The following GPC5 variants were observed in gnomAD, a reference collection of about 807,000 sequenced individuals.
The protein encoded by GPC5 is glypican 5.
Under a neutral mutation model 53.9 loss-of-function variants are expected in GPC5, and 47 were observed. The observed-to-expected ratio is 0.87, with a 90% confidence interval of 0.69 to 1.11. GPC5 has a LOEUF of 1.11. GPC5 is among the 50% of genes most tolerant of loss of function. GPC5 has a pLI of 0.00. For missense variants in GPC5, 748 were observed against 713.1 expected, an observed-to-expected ratio of 1.05 and a Z score of -0.56; for synonymous variants, 286 against 263.3, an observed-to-expected ratio of 1.09 and a Z score of -0.84.
intron 7 of GPC5, among the ~76,000 whole-genome samples, chr13:92,164,605 T>A (rs1053702423): frequency 4.6e-5 from 7 of 152,166 alleles, no homozygotes; most frequent in Middle Eastern, 3.2e-3. Flanking sequence ...TGGTGTTGAG[T>A]GTCTGTGGCT....
chr13:91,898,490 T>G (rs1160011142), intron 5 of GPC5, among the ~76,000 whole-genome samples: 8 of 152,188 alleles, frequency 5.3e-5, no homozygotes, highest in Non-Finnish European at 1.2e-4. Flanking sequence ...CATTTTGCCC[T>G]TGTTTTATAG....
intron 5 of GPC5, among the ~76,000 whole-genome samples, chr13:91,844,851 G>C (rs2038830501): frequency 6.6e-6 from 1 of 151,980 alleles, no homozygotes; most frequent in South Asian, 2.1e-4. Context: ...TCTGCCTCCT[G>C]AGTAGCTGGG....
chr13:91,848,392 G>C (rs1425763997), intron 5 of GPC5, among the ~76,000 whole-genome samples: 1 of 152,178 alleles, frequency 6.6e-6, no homozygotes, highest in Non-Finnish European at 1.5e-5. Flanking sequence ...ATGTAAGTCG[G>C]CTTAATCCTG....
intron 2 of GPC5, among the ~76,000 whole-genome samples, chr13:91,675,924 G>A (rs888218487): frequency 1.3e-5 from 2 of 152,054 alleles, no homozygotes; most frequent in Non-Finnish European, 2.9e-5. Context: ...AGGGTGGTTC[G>A]ACTTTTAGAA....
At chr13:91,943,677 C>G (rs2039948543) in intron 6 of GPC5, among the ~76,000 whole-genome samples, 1 of 152,120 alleles carries the variant, frequency 6.6e-6, no homozygotes, top group South Asian at 2.1e-4. Flanking sequence ...AAGTTTTCCT[C>G]TCTTAGGAGT....
chr13:91,988,677 A>C (rs2040430372), intron 6 of GPC5, among the ~76,000 whole-genome samples: 1 of 152,174 alleles, frequency 6.6e-6, no homozygotes, highest in Non-Finnish European at 1.5e-5. Flanking sequence ...CTATCATGGA[A>C]ATTTAAGATT....
chr13:91,794,289 T>TA (rs1390490462), intron 5 of GPC5, among the ~76,000 whole-genome samples: 2 of 152,198 alleles, frequency 1.3e-5, no homozygotes, highest in African/African-American at 4.8e-5. Flanking sequence ...TTAGAAATTA[T>TA]AAGCCCCTGA....
intron 7 of GPC5, among the ~76,000 whole-genome samples, chr13:92,438,379 AATAAAT>A (rs58295608): frequency 0.022 from 2,123 of 98,456 alleles, 47 homozygotes; most frequent in African/African-American, 0.064. Context: ...TTTAAAGCAA[AATAAAT>A]ATATATATAT....
At chr13:92,636,614 C>T (rs1360576899) in intron 7 of GPC5, among the ~76,000 whole-genome samples, 1 of 141,104 alleles carries the variant, frequency 7.1e-6, no homozygotes, top group Non-Finnish European at 1.6e-5. Flanking sequence ...GTACTGGGGG[C>T]TTTATTTATT....
intron 7 of GPC5, among the ~76,000 whole-genome samples, chr13:92,602,162 A>AT: frequency 6.9e-6 from 1 of 145,472 alleles, no homozygotes; most frequent in South Asian, 2.1e-4. Flanking sequence ...TACACACTAT[A>AT]TACAAATACA....
At chr13:92,174,489 C>G (rs565948481) in intron 7 of GPC5, among the ~76,000 whole-genome samples, 1 of 150,726 alleles carries the variant, frequency 6.6e-6, no homozygotes, top group African/African-American at 2.4e-5. Context: ...GCGCAGAGAT[C>G]GCACCACTGC....
Position 91,649,651 on chromosome 13 carries a change from T to C in GPC5, c.326-43536T>C. Among the ~76,000 whole-genome samples, 2 of 152,200 alleles carry C rather than the reference T, an allele frequency of 1.3e-5. 1 individual carries two copies. Among genetic ancestry groups the C allele is most frequent in the Non-Finnish European group, 2.9e-5 (2 of 68,036 alleles). On this transcript the variant is annotated intron_variant, in intron 2 of 7. Coordinates refer to ENST00000377067, the MANE Select transcript of GPC5 (RefSeq NM_004466.6). ...TTGTTCCGTCCACAGCATGTTACGA[T>C]GCAGAGAATGTCTATATTGATCAGC...
intron 2 of GPC5, among the ~76,000 whole-genome samples, chr13:91,525,355 C>T (rs1886037141): frequency 6.6e-6 from 1 of 152,090 alleles, no homozygotes; most frequent in Non-Finnish European, 1.5e-5. Flanking sequence ...CTATTTGGTA[C>T]TGAATATTGA....
At chr13:92,666,212 T>C (rs563916917) in intron 7 of GPC5, among the ~76,000 whole-genome samples, 8 of 152,330 alleles carry the variant, frequency 5.3e-5, no homozygotes, top group East Asian at 1.9e-4. Context: ...ATATTGAATA[T>C]ATTAACAATG....
intron 5 of GPC5, among the ~76,000 whole-genome samples, chr13:91,828,324 G>A (rs1293375413): frequency 6.6e-6 from 1 of 151,424 alleles, no homozygotes; most frequent in Non-Finnish European, 1.5e-5. Context: ...GTATGTGAAT[G>A]TCCTTCCAAT....
At chr13:91,891,003 TG>T (rs1010476938) in intron 5 of GPC5, among the ~76,000 whole-genome samples, 5 of 152,198 alleles carry the variant, frequency 3.3e-5, no homozygotes, top group Non-Finnish European at 5.9e-5. Context: ...ATACCAGGTA[TG>T]AAATTTCCTT....
At chr13:91,856,576 G>A (rs994583209) in intron 5 of GPC5, among the ~76,000 whole-genome samples, 3 of 151,056 alleles carry the variant, frequency 2.0e-5, no homozygotes, top group Non-Finnish European at 4.5e-5. Flanking sequence ...GTAGTTTCAT[G>A]TGCATCTTGG....
intron 2 of GPC5, among the ~76,000 whole-genome samples, chr13:91,597,559 G>A (rs569648522): frequency 1.6e-4 from 24 of 152,056 alleles, no homozygotes; most frequent in Non-Finnish European, 3.2e-4. Flanking sequence ...TTTACTGCCT[G>A]CGCCAACACC....
intron 7 of GPC5, among the ~76,000 whole-genome samples, chr13:92,524,098 T>C (rs1881179573): frequency 6.6e-6 from 1 of 152,090 alleles, no homozygotes; most frequent in Non-Finnish European, 1.5e-5. Context: ...ATGATAAAGT[T>C]TGCCACATCA....
Sources: allele counts gnomAD v4.1 joint callset (sites outside exome capture counted in the v4.1 genomes callset), GRCh38; gene constraint gnomAD v4.1.1; transcripts MANE v1.5; gene names NCBI Gene and HGNC (gene_info 2026-07-23, HGNC 2026-07-21).